The following HECTD2 variants were observed in gnomAD, a reference collection of about 807,000 sequenced individuals.
HECTD2 encodes probable E3 ubiquitin-protein ligase HECTD2.
HECTD2 carries 35 observed loss-of-function variants against 103.2 expected under a neutral mutation model. That is an observed-to-expected ratio of 0.34 (90% CI 0.26 to 0.45). HECTD2 has a LOEUF of 0.45. HECTD2 is among the 20% of genes least tolerant of loss of function. The pLI is 1.00. For missense variants in HECTD2, 596 were observed against 937.4 expected (o/e 0.64, Z 4.76); for synonymous variants, 281 against 329.9 (o/e 0.85, Z 1.61).
At chr10:91,422,427 A>AT (rs978185899) in intron 1 of HECTD2, among the ~76,000 whole-genome samples, 26 of 152,150 alleles carry the variant, frequency 1.7e-4, no homozygotes, top group African/African-American at 6.3e-4. Flanking sequence ...GGCTAACCTT[A>AT]TTTTACAAAT....
intron 16 of HECTD2, 75 bp downstream of exon 16, chr10:91,498,257 C>G: frequency 1.0e-6 from 1 of 984,886 alleles, no homozygotes; most frequent in Non-Finnish European, 1.6e-6. Flanking sequence ...TATTAAATAC[C>G]CACTGTTAGA....
At chr10:91,435,096 C>T (rs1415222286) in intron 2 of HECTD2, among the ~76,000 whole-genome samples, 1 of 151,866 alleles carries the variant, frequency 6.6e-6, no homozygotes, top group Non-Finnish European at 1.5e-5. Flanking sequence ...ACATTTTATA[C>T]ATTTTAATAA....
At chr10:91,501,115 A>C in intron 19 of HECTD2, 76 bp from the exon 20 acceptor site, 1 of 1,288,802 alleles carries the variant, frequency 7.8e-7, no homozygotes, top group Non-Finnish European at 1.1e-6. Context: ...TCCTTTCCTT[A>C]GAGCTTCCTT....
At chr10:91,460,216 T>C (rs1845284978) in intron 2 of HECTD2, among the ~76,000 whole-genome samples, 1 of 152,116 alleles carries the variant, frequency 6.6e-6, no homozygotes, top group African/African-American at 2.4e-5. Context: ...CACATCCATG[T>C]AAGATACAGC....
intron 20 of HECTD2, among the ~76,000 whole-genome samples, chr10:91,503,469 C>T (rs544055820): frequency 9.2e-5 from 14 of 152,276 alleles, no homozygotes; most frequent in Non-Finnish European, 1.8e-4. Context: ...ACTCGGGAAG[C>T]GCAAGGGGTC....
intron 1 of HECTD2, among the ~76,000 whole-genome samples, chr10:91,423,149 C>T (rs1843423047): frequency 6.6e-6 from 1 of 152,090 alleles, no homozygotes; most frequent in African/African-American, 2.4e-5. Flanking sequence ...CACGTACTGT[C>T]ACATGTTAAG....
chr10:91,509,888 C>T (rs1481921072), intron 20 of HECTD2, among the ~76,000 whole-genome samples: 3 of 151,966 alleles, frequency 2.0e-5, no homozygotes, highest in African/African-American at 4.8e-5. Context: ...ATGCAGTTTA[C>T]CTTATATAAC....
At chr10:91,436,047 A>C (rs902209581) in intron 2 of HECTD2, among the ~76,000 whole-genome samples, 1 of 151,690 alleles carries the variant, frequency 6.6e-6, no homozygotes, top group African/African-American at 2.4e-5. Flanking sequence ...CTTTTATTTC[A>C]TGGTTATACT....
chr10:91,429,425 A>G (rs983825014), intron 2 of HECTD2, among the ~76,000 whole-genome samples: 19 of 151,912 alleles, frequency 1.3e-4, no homozygotes, highest in South Asian at 1.2e-3. Context: ...CTCTTTTTCT[A>G]TTCATTGGAA....
chr10:91,498,734 G>A (rs1846777436), intron 16 of HECTD2, 138 bp from the exon 17 acceptor site: 1 of 593,908 alleles, frequency 1.7e-6, no homozygotes, highest in Non-Finnish European at 3.0e-6. Context: ...TACAAATATT[G>A]CAAGAGCTTA....
chr10:91,488,220 G>A (rs1480488261), intron 11 of HECTD2: 1 of 153,334 alleles, frequency 6.5e-6, no homozygotes, highest in Admixed American at 6.5e-5. Flanking sequence ...CAAAAAGTGT[G>A]TCTTGGAGAA....
intron 6 of HECTD2, among the ~76,000 whole-genome samples, 169 bp downstream of exon 6, chr10:91,478,434 T>G (rs1845983948): frequency 6.6e-6 from 1 of 152,218 alleles, no homozygotes; most frequent in African/African-American, 2.4e-5. Flanking sequence ...GCTGTATAAC[T>G]TGAGATTTGT....
intron 2 of HECTD2, among the ~76,000 whole-genome samples, chr10:91,457,962 T>C (rs546289668): frequency 7.1e-6 from 1 of 141,002 alleles, no homozygotes; most frequent in South Asian, 2.2e-4. Context: ...AAAAAAGACA[T>C]ACAGATTAGA....
intron 5 of HECTD2, chr10:91,463,054 A>G (rs2133209418): frequency 6.6e-6 from 1 of 152,048 alleles, no homozygotes; most frequent in Non-Finnish European, 1.5e-5. Flanking sequence ...AATACAGTTG[A>G]CCCTTGAACA....
intron 20 of HECTD2, among the ~76,000 whole-genome samples, chr10:91,503,124 A>G (rs1003578633): frequency 6.6e-6 from 1 of 152,246 alleles, no homozygotes; most frequent in African/African-American, 2.4e-5. Context: ...ACTTTTCAAA[A>G]GAAGGCAACA....
intron 11 of HECTD2, chr10:91,488,631 A>T (rs945049981): frequency 2.0e-5 from 3 of 152,274 alleles, no homozygotes; most frequent in Middle Eastern, 3.4e-3. Context: ...GTATAAAAAG[A>T]ATCCTAAAGC....
intron 5 of HECTD2, among the ~76,000 whole-genome samples, chr10:91,472,001 C>T (rs1845746445): frequency 6.6e-6 from 1 of 152,052 alleles, no homozygotes; most frequent in Admixed American, 6.6e-5. Flanking sequence ...TTTGATTAGC[C>T]AAGGCAATCC....
rs114352174 is a variant in HECTD2, at chr10:91,457,095, C to T, written c.269-3332C>T. Among the ~76,000 whole-genome samples, 1,372 of 152,190 alleles carry T rather than the reference C, an allele frequency of 9.0e-3. 23 individuals are homozygous for T. The highest frequency in any genetic ancestry group is 0.032 in the African/African-American group (1,317 of 41,550). Reference sequence around the variant, plus strand: ...TGAAGTGGACCAATTCCTCAAAAAACAAAAGCTATTGCAGCTCATCCAGTT... The same window carrying T: ...TGAAGTGGACCAATTCCTCAAAAAATAAAAGCTATTGCAGCTCATCCAGTT... On this transcript the variant is annotated intron_variant, in intron 2 of 20. Coordinates refer to ENST00000298068, the MANE Select transcript of HECTD2 (RefSeq NM_182765.6).
In HECTD2 at chr10:91,513,439, A is replaced by G. The variant is rs897746047; in HGVS notation, c.*1055A>G. On this transcript the variant is annotated 3_prime_UTR_variant, in exon 21 of 21. Transcript: ENST00000298068. ...AAATGATATAGCTTAGTATAAAAAT[A>G]AAATTCAACGTTTTGGCCAAAATGT... 3 of 152,660 alleles carry G rather than the reference A, an allele frequency of 2.0e-5. No homozygotes were observed. The highest frequency in any genetic ancestry group is 7.2e-5 in the African/African-American group (3 of 41,474). 9.5% of individuals were successfully genotyped at this position (152,660 alleles called of 1,614,324 possible).
Sources: gnomAD v4.1 joint callset for allele counts (sites outside exome capture counted in the v4.1 genomes callset) on GRCh38, gnomAD v4.1.1 for gene constraint, MANE v1.5 for transcripts, NCBI Gene and HGNC (gene_info 2026-07-23, HGNC 2026-07-21) for gene names.